TPTE: variants seen among roughly 807,000 people sequenced by gnomAD.
The protein encoded by TPTE is transmembrane phosphatase with tensin homology, also known as putative tyrosine-protein phosphatase TPTE.
In TPTE, 59 loss-of-function variants were observed where a neutral mutation model predicts 84.1. The ratio of observed to expected loss-of-function variants is 0.70; its 90% confidence interval spans 0.57 to 0.87. The LOEUF is 0.87. Among genes scored for constraint, TPTE ranks in the 40% least tolerant of loss-of-function variants. TPTE has a pLI of 0.00. For synonymous variants in TPTE, 130 were observed against 223.5 expected (o/e 0.58, Z 3.73); for missense variants, 382 against 659.6 (o/e 0.58, Z 4.61).
chr21:10,600,723 T>TTG (rs1367025474), intron 21 of TPTE, among the ~76,000 whole-genome samples: 1 of 152,312 alleles, frequency 6.6e-6, no homozygotes, highest in Non-Finnish European at 1.5e-5. Context: ...GCACCCCCTT[T>TTG]TGTGTTTTTC....
At chr21:10,548,272 C>T (rs2025657) in intron 7 of TPTE, among the ~76,000 whole-genome samples, 1 of 152,000 alleles carries the variant, frequency 6.6e-6, no homozygotes, top group Non-Finnish European at 1.5e-5. Context: ...TAGGCCACCC[C>T]ACACAGAAAC....
At chr21:10,562,521 CAGAG>C (rs2145680825) in intron 10 of TPTE, among the ~76,000 whole-genome samples, 2 of 152,428 alleles carry the variant, frequency 1.3e-5, no homozygotes, top group South Asian at 4.1e-4. Flanking sequence ...CAAGATAACA[CAGAG>C]AAGGAATTCA....
intron 8 of TPTE, among the ~76,000 whole-genome samples, chr21:10,557,480 A>G (rs2074706616): frequency 6.6e-6 from 1 of 152,306 alleles, no homozygotes; most frequent in African/African-American, 2.4e-5. Context: ...GACATTGTCA[A>G]GTGAGTTCAG....
rs1375752506 is a variant in TPTE, at chr21:10,580,283, A to G, written c.1027+1678A>G. Among the ~76,000 whole-genome samples the G allele has an allele frequency of 2.0e-5, 3 of 152,424 alleles. No individual in the cohort carries two copies. The East Asian group carries it at 5.8e-4, about 29-fold the overall frequency. On this transcript the variant is annotated intron_variant, in intron 17 of 23. Coordinates refer to ENST00000618007, the MANE Select transcript of TPTE (RefSeq NM_199261.4). The stretch of plus-strand genomic sequence containing the variant: ...CTATTATCGAATGTATGCTTTGTAG[A>G]TATTTCTCCCATTCTGTAGGTTGTC...
intron 4 of TPTE, 22 bp downstream of exon 4, chr21:10,538,756 CTTTA>C (rs770829924): frequency 4.5e-5 from 73 of 1,613,868 alleles, no homozygotes; most frequent in Admixed American, 6.7e-5. Flanking sequence ...GTACGTGTGT[CTTTA>C]TTTATCGAAT....
At chr21:10,530,490 A>G (rs1435837032) in intron 3 of TPTE, among the ~76,000 whole-genome samples, 1 of 152,310 alleles carries the variant, frequency 6.6e-6, no homozygotes, top group Non-Finnish European at 1.5e-5. Flanking sequence ...ATAGTAACAT[A>G]AGATTATTCT....
intron 5 of TPTE, among the ~76,000 whole-genome samples, chr21:10,542,079 C>A (rs1389412212): frequency 8.5e-5 from 13 of 152,298 alleles, no homozygotes; most frequent in African/African-American, 3.1e-4. Context: ...AGAGGGCTGA[C>A]TACCTACAAA....
intron 7 of TPTE, among the ~76,000 whole-genome samples, chr21:10,546,559 C>CAA (rs976191938): frequency 6.6e-6 from 1 of 152,292 alleles, no homozygotes; most frequent in Admixed American, 6.5e-5. Context: ...AAAACAAAAA[C>CAA]AAAAACAAAA....
At chr21:10,555,879 C>T in intron 8 of TPTE, among the ~76,000 whole-genome samples, 1 of 152,310 alleles carries the variant, frequency 6.6e-6, no homozygotes, top group African/African-American at 2.4e-5. Flanking sequence ...TGGACTCGTA[C>T]CTGTGAAAGA....
chr21:10,572,903 A>C (rs1393987118), intron 14 of TPTE, among the ~76,000 whole-genome samples: 2 of 152,296 alleles, frequency 1.3e-5, no homozygotes, highest in African/African-American at 2.4e-5. Context: ...AAAGATTAAA[A>C]AAAAAAGGTG....
chr21:10,537,752 C>T (rs1363540904), intron 3 of TPTE, among the ~76,000 whole-genome samples: 13 of 152,238 alleles, frequency 8.5e-5, no homozygotes, highest in South Asian at 4.1e-4. Flanking sequence ...AGGGAGGAAA[C>T]GATTATATAC....
intron 7 of TPTE, among the ~76,000 whole-genome samples, chr21:10,547,696 G>A (rs1014416868): frequency 6.6e-6 from 1 of 152,312 alleles, no homozygotes; most frequent in African/African-American, 2.4e-5. Context: ...TGCCTCTCCA[G>A]CACTGGAGCT....
chr21:10,560,018 A>G (rs1600901638), intron 9 of TPTE, among the ~76,000 whole-genome samples: 1 of 152,302 alleles, frequency 6.6e-6, no homozygotes, highest in Admixed American at 6.5e-5. Context: ...ATCAGTTGCT[A>G]AGTAGCCATG....
At chr21:10,546,371 G>T (rs1196955108) in intron 7 of TPTE, among the ~76,000 whole-genome samples, 1 of 152,302 alleles carries the variant, frequency 6.6e-6, no homozygotes, top group Non-Finnish European at 1.5e-5. Flanking sequence ...TTCTCCTTGG[G>T]CCTCCCTATT....
intron 8 of TPTE, among the ~76,000 whole-genome samples, chr21:10,558,928 G>T (rs212130): frequency 5.3e-5 from 8 of 151,826 alleles, no homozygotes; most frequent in Non-Finnish European, 1.0e-4. Context: ...CCAGTCTTTC[G>T]GGTGTTTCTC....
At chr21:10,523,667 T>G (rs1163956222) in intron 1 of TPTE, among the ~76,000 whole-genome samples, 2 of 152,306 alleles carry the variant, frequency 1.3e-5, no homozygotes, top group Non-Finnish European at 2.9e-5. Flanking sequence ...ATGGTGTATA[T>G]GTGCCACATT....
At chr21:10,536,008 T>G (rs2074259287) in intron 3 of TPTE, among the ~76,000 whole-genome samples, 1 of 152,310 alleles carries the variant, frequency 6.6e-6, no homozygotes, top group South Asian at 2.1e-4. Context: ...CCAGGCATGG[T>G]GGCTCATATC....
chr21:10,570,422 T>G lies in TPTE; in HGVS notation c.731-63T>G, dbSNP rs2145706505. The G allele has an allele frequency of 5.0e-6, 8 of 1,609,438 alleles. No individual in the cohort carries two copies. In the South Asian group the frequency reaches 8.9e-5, roughly 18 times the overall value. ...TGGAATCTGATCATGTATAAATTAA[T>G]TTTTTTGTATGTTGTATGAAATCTA... On this transcript the variant is annotated intron_variant, in intron 13 of 23. Coordinates refer to ENST00000618007, the MANE Select transcript of TPTE (RefSeq NM_199261.4).
intron 3 of TPTE, among the ~76,000 whole-genome samples, chr21:10,537,008 A>G (rs545618384): frequency 2.0e-5 from 3 of 152,424 alleles, no homozygotes; most frequent in East Asian, 3.9e-4. Context: ...GGCTAACACT[A>G]CAAGCCCACA....
Sources: gnomAD v4.1 joint callset for allele counts (sites outside exome capture counted in the v4.1 genomes callset) on GRCh38, gnomAD v4.1.1 for gene constraint, MANE v1.5 for transcripts, NCBI Gene and HGNC (gene_info 2026-07-23, HGNC 2026-07-21) for gene names.